The following UGT2B15 variants were observed in gnomAD, a reference collection of about 807,000 sequenced individuals.
The protein encoded by UGT2B15 is UDP-glucuronosyltransferase 2B15.
UGT2B15 carries 36 observed loss-of-function variants against 45.9 expected under a neutral mutation model. The ratio of observed to expected loss-of-function variants is 0.78; its 90% CI spans 0.60 to 1.04. UGT2B15 has a LOEUF of 1.04. UGT2B15 is among the 50% of genes least tolerant of loss of function. The pLI is 0.00. For missense variants in UGT2B15, 617 were observed against 622.4 expected, an observed-to-expected ratio of 0.99 and a Z score of 0.09; for synonymous variants, 219 against 216.4, an observed-to-expected ratio of 1.01 and a Z score of -0.11.
chr4:68,653,314 A>T (rs1388124889), intron 5 of UGT2B15, among the ~76,000 whole-genome samples: 1 of 152,056 alleles, frequency 6.6e-6, no homozygotes, highest in African/African-American at 2.4e-5. Flanking sequence ...AATAAAAATG[A>T]ATGAGTTCTG....
At chr4:68,649,259 C>G (rs541857094) in intron 5 of UGT2B15, among the ~76,000 whole-genome samples, 105 of 136,996 alleles carry the variant, frequency 7.7e-4, no homozygotes, top group African/African-American at 2.8e-3. Context: ...ATTCAGGTAA[C>G]TATTTCATAT....
chr4:68,659,595 C>G (rs1178194205), intron 3 of UGT2B15, among the ~76,000 whole-genome samples: 1 of 151,838 alleles, frequency 6.6e-6, no homozygotes. Flanking sequence ...TATTGTGTGC[C>G]ACAGAGGTAA....
At chr4:68,661,776 G>T (rs1048688264) in intron 3 of UGT2B15, among the ~76,000 whole-genome samples, 4 of 152,064 alleles carry the variant, frequency 2.6e-5, no homozygotes, top group Non-Finnish European at 5.9e-5. Flanking sequence ...TATCAGTATT[G>T]CTACTTTTGT....
rs1278611332 is a variant in UGT2B15 at position 68,670,238 on chromosome 4, GAGC to G, written c.378_380del (p.Lys126_Leu127delinsAsn). ...TCTTATTCAAAACTGCATCTTTACAGAGCTTGTTACTGTAGTCATAATATTCCC... is the reference window on the plus strand; with the variant it reads ...TCTTATTCAAAACTGCATCTTTACAGTTGTTACTGTAGTCATAATATTCCC... On this transcript the variant is annotated inframe_deletion, in exon 1 of 6. Coordinates refer to ENST00000338206, the MANE Select transcript of UGT2B15 (RefSeq NM_001076.4). 1.9e-6 allele frequency: 3 copies of G among 1,613,942 alleles called. No individual in the cohort carries two copies. Among genetic ancestry groups the G allele is most frequent in the Non-Finnish European group, 1.7e-6 (2 of 1,179,956 alleles).
chr4:68,654,163 A>G lies in UGT2B15; in HGVS notation c.1187T>C (p.Leu396Ser), dbSNP rs553126424. 142 of 1,613,640 alleles carry G rather than the reference A, an allele frequency of 8.8e-5. No individual in the cohort carries two copies. Among genetic ancestry groups the G allele is most frequent in the Non-Finnish European group, 1.2e-4 (140 of 1,179,698 alleles). Residue 396 changes from leucine to serine, a missense_variant, in exon 5 of 6, where the codon TTG becomes TCG. This residue lies in a region of UGT2B15 where 265 missense variants were observed against 245.1 expected (regional missense o/e 1.08). Transcript: ENST00000338206. The stretch of plus-strand genomic sequence containing the variant: ...AATGTTATCATGTTGATCCGCAAAC[A>G]AGGGAATGCCCACCATAGGGATCCC... ...YHGIPMVGIPLFADQHDNIAH... is the reference protein window; with the variant it reads ...YHGIPMVGIPSFADQHDNIAH...
intron 5 of UGT2B15, among the ~76,000 whole-genome samples, chr4:68,651,532 T>C (rs1019166417): frequency 3.3e-5 from 5 of 152,064 alleles, no homozygotes; most frequent in African/African-American, 1.2e-4. Context: ...GTTCCAGTAC[T>C]ATGCTGGTTT....
intron 5 of UGT2B15, among the ~76,000 whole-genome samples, chr4:68,652,845 T>C (rs1374992176): frequency 6.6e-6 from 1 of 151,840 alleles, no homozygotes; most frequent in Non-Finnish European, 1.5e-5. Flanking sequence ...AAAGACAAAA[T>C]ATTCACAAGA....
intron 2 of UGT2B15, among the ~76,000 whole-genome samples, chr4:68,665,662 G>A (rs1380862305): frequency 1.3e-5 from 2 of 152,064 alleles, no homozygotes; most frequent in Non-Finnish European, 1.5e-5. Context: ...AATACATAAT[G>A]GAAAAGCAAG....
Position 68,647,289 on chromosome 4 carries a change from G to T in UGT2B15, c.1408C>A (p.Arg470Ser). ...RAVFWIEFVM[R>S]HKGAKHLRVA... is the part of the protein sequence containing the mutation. ...CGAAGGTGCTTGGCTCCTTTGTGGC[G>T]CATGACAAACTCAATCCAGAAGACT... The change falls in exon 6 of 6, where the codon CGC becomes AGC. Residue 470 changes from arginine to serine, a missense_variant. Arg to Ser is a moderately radical substitution (Grantham distance 110). This residue lies in a region of UGT2B15 where 265 missense variants were observed against 245.1 expected (regional missense o/e 1.08). Transcript: ENST00000338206. 6.2e-7 allele frequency: 1 copy of T among 1,613,914 alleles called. No individual in the cohort carries two copies. Among genetic ancestry groups the T allele is most frequent in the East Asian group, 2.2e-5 (1 of 44,876 alleles).
rs1026304185 is a variant in UGT2B15 at position 68,648,140 on chromosome 4, T to C, written c.1314-757A>G. 1.4e-4 allele frequency among the ~76,000 whole-genome samples: 22 copies of C among 152,138 alleles called. 1 individual carries two copies. Among genetic ancestry groups the C allele is most frequent in the African/African-American group, 5.3e-4 (22 of 41,424 alleles). On this transcript the variant is annotated intron_variant, in intron 5 of 5. Transcript: ENST00000338206. ...CATATTTTCCTTCTAGTAGCCAGAA[T>C]ATTTTCCAAATTAATATCAAATTAT...
At chr4:68,651,080 A>G (rs913601463) in intron 5 of UGT2B15, among the ~76,000 whole-genome samples, 1 of 150,712 alleles carries the variant, frequency 6.6e-6, no homozygotes. Context: ...GATTGCAAAA[A>G]TCTTCCCTCA....
intron 2 of UGT2B15, among the ~76,000 whole-genome samples, chr4:68,667,509 C>T (rs551053680): frequency 1.3e-5 from 2 of 152,020 alleles, no homozygotes; most frequent in African/African-American, 2.4e-5. Flanking sequence ...ATCAACCCCT[C>T]ATCGTTTCAC....
chr4:68,658,230 T>G (rs1732867806), intron 3 of UGT2B15, among the ~76,000 whole-genome samples: 1 of 152,014 alleles, frequency 6.6e-6, no homozygotes, highest in African/African-American at 2.4e-5. Flanking sequence ...TACACAGTGT[T>G]TTATTACTGA....
rs1179460494 is a variant in UGT2B15 at position 68,647,016 on chromosome 4, A to G, written c.*88T>C. ...GTGAAAAGATGTTTTGTCACAGGAA[A>G]AAGGAAATCCTCCATTTAAAACCCT... On this transcript the variant is annotated 3_prime_UTR_variant, in exon 6 of 6. Coordinates refer to ENST00000338206, the MANE Select transcript of UGT2B15 (RefSeq NM_001076.4). 6.6e-6 allele frequency: 10 copies of G among 1,511,378 alleles called. No individual in the cohort carries two copies. The highest frequency in any genetic ancestry group is 1.4e-5 in the African/African-American group (1 of 71,576). 93.6% of individuals were successfully genotyped at this position (1,511,378 alleles called of 1,614,324 possible).
intron 5 of UGT2B15, 124 bp from the exon 6 acceptor site, chr4:68,647,507 A>T (rs1732517653): frequency 2.5e-6 from 3 of 1,183,274 alleles, no homozygotes; most frequent in Non-Finnish European, 3.4e-6. Context: ...CTGAATTGGC[A>T]TGAAATTTCA....
chr4:68,655,178 A>C lies in UGT2B15; in HGVS notation c.1010T>G (p.Leu337Arg), dbSNP rs1422892899. Residue 337 changes from leucine (L) to arginine (R), a missense_variant, in exon 4 of 6, where the codon CTA becomes CGA. Physicochemically the swap from Leu to Arg is moderately radical, Grantham distance 102 (BLOSUM62 -2). Around this residue, in one of 3 missense-constraint regions of UGT2B15, gnomAD observed 265 missense variants for 245.1 expected, o/e 1.08. Coordinates refer to ENST00000338206, the MANE Select transcript of UGT2B15 (RefSeq NM_001076.4). ...SALAQIPQKV[L>R]WRFDGKKPNT... ...TGGCTTCTTGCCATCAAATCTCCAT[A>C]GAACCTGTTAGGGCAAGGAAAATAT... The C allele has an allele frequency of 1.2e-6, 2 of 1,613,300 alleles. No individual in the cohort carries two copies. Among genetic ancestry groups the C allele is most frequent in the Middle Eastern group, 1.7e-4 (1 of 6,048 alleles).
intron 5 of UGT2B15, among the ~76,000 whole-genome samples, chr4:68,648,695 A>T (rs1029882359): frequency 6.6e-6 from 1 of 152,166 alleles, no homozygotes; most frequent in African/African-American, 2.4e-5. Flanking sequence ...CACAAACTGC[A>T]TAGAAGAACT....
At chr4:68,658,476 C>T (rs1432936988) in intron 3 of UGT2B15, among the ~76,000 whole-genome samples, 2 of 152,022 alleles carry the variant, frequency 1.3e-5, no homozygotes, top group East Asian at 3.8e-4. Context: ...CAATTTCATA[C>T]TTATTGTTGC....
rs879114044 is a variant in UGT2B15 at position 68,659,894 on chromosome 4, A to T, written c.1005+3114T>A. Among the ~76,000 whole-genome samples the T allele has an allele frequency of 4.0e-5, 6 of 151,680 alleles. No homozygotes were observed. The South Asian group carries it at 1.0e-3, about 26-fold the overall frequency. On this transcript the variant is annotated intron_variant, in intron 3 of 5. Coordinates refer to ENST00000338206, the MANE Select transcript of UGT2B15 (RefSeq NM_001076.4). ...TAATAAAAAACTAAAGTAATCTTTT[A>T]GACTTTGCTTAAAACATTGCTGATC...
Sources: allele counts gnomAD v4.1 joint callset (sites outside exome capture counted in the v4.1 genomes callset), GRCh38; gene constraint gnomAD v4.1.1; regional missense constraint gnomAD v4.1.1; transcripts MANE v1.5; gene names NCBI Gene and HGNC (gene_info 2026-07-23, HGNC 2026-07-21).